The following JAZF1 variants were observed in gnomAD, a reference collection of about 807,000 sequenced individuals.
The protein encoded by JAZF1 is JAZF zinc finger 1.
In JAZF1, 8 loss-of-function variants were observed where a neutral mutation model predicts 26.4. That is an observed-to-expected ratio of 0.30 (90% CI 0.18 to 0.55). The LOEUF (loss-of-function observed/expected upper bound fraction) is 0.55, where lower values mean the gene tolerates loss of function less well. JAZF1 is among the 20% of genes least tolerant of loss of function. JAZF1 has a pLI of 0.94. For synonymous variants in JAZF1, 126 were observed against 122.3 expected, an observed-to-expected ratio of 1.03 and a Z score of -0.20; for missense variants, 199 against 322.0, an observed-to-expected ratio of 0.62 and a Z score of 2.92.
At chr7:27,937,439 G>A (rs974395194) in intron 2 of JAZF1, among the ~76,000 whole-genome samples, 1 of 152,164 alleles carries the variant, frequency 6.6e-6, no homozygotes, top group Admixed American at 6.5e-5. Context: ...CTCAATAGAG[G>A]CGGTTGCCAT....
intron 1 of JAZF1, among the ~76,000 whole-genome samples, chr7:28,150,142 T>A (rs1243805486): frequency 6.6e-6 from 1 of 152,202 alleles, no homozygotes; most frequent in Non-Finnish European, 1.5e-5. Flanking sequence ...GACAGGATCA[T>A]CTTGCCCGGT....
rs1485797516 is a variant in JAZF1, at chr7:28,038,146, G to C, written c.116-46165C>G. On this transcript the variant is annotated intron_variant, in intron 1 of 4. Transcript: ENST00000283928. ...ATGGGCTAATGCAACACAATACAAA[G>C]AACAGAGGAGAATGGGAATTTCCAT... 3.9e-5 allele frequency among the ~76,000 whole-genome samples: 6 copies of C among 152,234 alleles called. No homozygotes were observed. The East Asian group carries it at 9.7e-4, about 25-fold the overall frequency.
intron 1 of JAZF1, among the ~76,000 whole-genome samples, chr7:27,993,914 A>C (rs1785957709): frequency 6.6e-6 from 1 of 152,306 alleles, no homozygotes; most frequent in South Asian, 2.1e-4. Context: ...TAAAGGGGAA[A>C]AGAGGCCCAT....
chr7:28,034,892 A>G (rs1783258429), intron 1 of JAZF1, among the ~76,000 whole-genome samples: 1 of 152,204 alleles, frequency 6.6e-6, no homozygotes, highest in Admixed American at 6.5e-5. Context: ...CTCTGCAAAC[A>G]AAGTGTGATT....
At chr7:28,020,781 C>T (rs1583513233) in intron 1 of JAZF1, 1 of 451,048 alleles carries the variant, frequency 2.2e-6, no homozygotes, top group African/African-American at 2.0e-5. Context: ...ATCTCTTCTC[C>T]AGCACCCAAG....
At position 27,896,301 on chromosome 7, in the gene JAZF1, A is replaced by ACT. The variant is rs1267999351; in HGVS notation, c.189-886_189-885insAG. Among the ~76,000 whole-genome samples, 648 of 152,328 alleles carry ACT rather than the reference A, an allele frequency of 4.3e-3. 4 individuals are homozygous for ACT. Among genetic ancestry groups the ACT allele is most frequent in the African/African-American group, 0.015 (627 of 41,590 alleles). Reference sequence around the variant, plus strand: ...AAATTCCTGTAATATGAGATTCAAAACAATCTATGAAATGGTATCTCCTAC... The same window carrying ACT: ...AAATTCCTGTAATATGAGATTCAAAACTCAATCTATGAAATGGTATCTCCTAC... On this transcript the variant is annotated intron_variant, in intron 2 of 4. Transcript: ENST00000283928.
intron 3 of JAZF1, among the ~76,000 whole-genome samples, chr7:27,874,892 G>C (rs1456956860): frequency 6.6e-6 from 1 of 152,160 alleles, no homozygotes; most frequent in East Asian, 1.9e-4. Context: ...ACTACCTACA[G>C]ATGATGTTGG....
intron 2 of JAZF1, among the ~76,000 whole-genome samples, chr7:27,953,740 C>CAA (rs1785046132): frequency 6.6e-6 from 1 of 152,160 alleles, no homozygotes; most frequent in African/African-American, 2.4e-5. Flanking sequence ...TATGTTTAAA[C>CAA]CCCTTGATGG....
intron 1 of JAZF1, among the ~76,000 whole-genome samples, chr7:28,127,475 C>A (rs1409506839): frequency 6.6e-6 from 1 of 152,114 alleles, no homozygotes; most frequent in Non-Finnish European, 1.5e-5. Context: ...CACAAACCTT[C>A]ACCAGGCTTG....
intron 1 of JAZF1, among the ~76,000 whole-genome samples, chr7:28,164,800 C>G (rs772016180): frequency 6.6e-6 from 1 of 152,172 alleles, no homozygotes; most frequent in Admixed American, 6.5e-5. Flanking sequence ...GCAGATTTCA[C>G]AAAGCTACTG....
intron 1 of JAZF1, among the ~76,000 whole-genome samples, chr7:28,153,378 A>G (rs926613984): frequency 6.6e-6 from 1 of 152,252 alleles, no homozygotes; most frequent in African/African-American, 2.4e-5. Flanking sequence ...GTCTATATTT[A>G]GAATATGATT....
At chr7:28,144,910 A>G (rs1258864027) in intron 1 of JAZF1, among the ~76,000 whole-genome samples, 1 of 152,210 alleles carries the variant, frequency 6.6e-6, no homozygotes, top group Admixed American at 6.5e-5. Flanking sequence ...TAAAATGTAA[A>G]TTTTGATGAA....
intron 3 of JAZF1, among the ~76,000 whole-genome samples, chr7:27,857,429 T>C (rs1783289787): frequency 6.6e-6 from 1 of 152,208 alleles, no homozygotes; most frequent in South Asian, 2.1e-4. Flanking sequence ...AAGCTGGCTC[T>C]GGCCTTGGCC....
At chr7:27,875,424 C>G (rs1027027786) in intron 3 of JAZF1, among the ~76,000 whole-genome samples, 3 of 151,996 alleles carry the variant, frequency 2.0e-5, no homozygotes, top group African/African-American at 7.3e-5. Flanking sequence ...GTGAAGCAAA[C>G]CATGACATTC....
chr7:27,941,504 A>T (rs1296362206), intron 2 of JAZF1, among the ~76,000 whole-genome samples: 1 of 152,226 alleles, frequency 6.6e-6, no homozygotes, highest in South Asian at 2.1e-4. Flanking sequence ...TGCAACCCTG[A>T]GTGCTAATTA....
chr7:27,953,100 T>C (rs557774503), intron 2 of JAZF1, among the ~76,000 whole-genome samples: 15 of 152,350 alleles, frequency 9.8e-5, no homozygotes, highest in African/African-American at 2.2e-4. Context: ...TATTTGATGA[T>C]GCCTCAAGTT....
chr7:28,150,689 G>A (rs1437506752), intron 1 of JAZF1, among the ~76,000 whole-genome samples: 1 of 152,160 alleles, frequency 6.6e-6, no homozygotes, highest in East Asian at 1.9e-4. Context: ...CCTCACACGG[G>A]GGAGACATTA....
At chr7:28,086,594 A>G (rs1349306580) in intron 1 of JAZF1, among the ~76,000 whole-genome samples, 2 of 152,222 alleles carry the variant, frequency 1.3e-5, no homozygotes, top group Non-Finnish European at 2.9e-5. Flanking sequence ...TTCATTTAAG[A>G]CTTTCTGGGG....
intron 4 of JAZF1, among the ~76,000 whole-genome samples, chr7:27,838,023 C>CT (rs1782850971): frequency 8.6e-6 from 1 of 116,590 alleles, no homozygotes; most frequent in Admixed American, 8.5e-5. Context: ...TTTTTTTTTT[C>CT]TTTTTTCCTT....
Sources: allele counts gnomAD v4.1 joint callset (sites outside exome capture counted in the v4.1 genomes callset), GRCh38; gene constraint gnomAD v4.1.1; transcripts MANE v1.5; gene names NCBI Gene and HGNC (gene_info 2026-07-23, HGNC 2026-07-21).